MAGI1: variants seen among roughly 807,000 people sequenced by gnomAD.
The protein encoded by MAGI1 is membrane associated guanylate kinase, WW and PDZ domain containing 1, also known as membrane-associated guanylate kinase, WW and PDZ domain-containing protein 1.
In MAGI1, 58 loss-of-function variants were observed where a neutral mutation model predicts 139.9. The observed-to-expected ratio is 0.41, with a 90% confidence interval of 0.34 to 0.52. The LOEUF is 0.52. MAGI1 is among the 20% of genes least tolerant of loss of function. The probability of loss-of-function intolerance (pLI) is 0.12; values close to 1 mark genes in which losing one functional copy is unlikely to be tolerated. For synonymous variants in MAGI1, 812 were observed against 737.9 expected (o/e 1.10, Z -1.63); for missense variants, 1,874 against 1,901.6 (o/e 0.99, Z 0.27).
intron 1 of MAGI1, among the ~76,000 whole-genome samples, chr3:65,686,739 C>T (rs1214922448): frequency 6.6e-6 from 1 of 152,148 alleles, no homozygotes; most frequent in Non-Finnish European, 1.5e-5. Flanking sequence ...AAGTGAAACG[C>T]CAAGCATCTG....
intron 1 of MAGI1, among the ~76,000 whole-genome samples, chr3:65,956,160 A>C (rs2064116588): frequency 6.6e-6 from 1 of 152,192 alleles, no homozygotes; most frequent in South Asian, 2.1e-4. Context: ...TAGATAAACT[A>C]AAATAAATAT....
At chr3:65,775,604 A>G (rs747021512) in intron 1 of MAGI1, among the ~76,000 whole-genome samples, 7 of 150,938 alleles carry the variant, frequency 4.6e-5, no homozygotes, top group Non-Finnish European at 8.8e-5. Flanking sequence ...ACACCAAAGT[A>G]TTAACTATGA....
chr3:65,625,890 A>T (rs1463518711), intron 1 of MAGI1, among the ~76,000 whole-genome samples: 1 of 152,242 alleles, frequency 6.6e-6, no homozygotes, highest in African/African-American at 2.4e-5. Flanking sequence ...AAACTCATTA[A>T]TAAACATTTA....
At chr3:65,696,883 G>A (rs2089242098) in intron 1 of MAGI1, among the ~76,000 whole-genome samples, 1 of 147,716 alleles carries the variant, frequency 6.8e-6, no homozygotes, top group Admixed American at 6.7e-5. Context: ...GAGAAGAACT[G>A]AAGGAAATAG....
At chr3:65,811,959 T>TGTGAGAGAGA in intron 1 of MAGI1, among the ~76,000 whole-genome samples, 1 of 143,556 alleles carries the variant, frequency 7.0e-6, no homozygotes, top group South Asian at 2.3e-4. Flanking sequence ...TGTGTGTGTG[T>TGTGAGAGAGA]GAGAGAGAGA....
intron 1 of MAGI1, among the ~76,000 whole-genome samples, chr3:65,653,481 A>C (rs927064420): frequency 4.6e-5 from 7 of 152,206 alleles, no homozygotes; most frequent in African/African-American, 1.7e-4. Context: ...ACCATGACTT[A>C]ATATAAGGTG....
intron 1 of MAGI1, among the ~76,000 whole-genome samples, chr3:65,987,438 G>A (rs955415471): frequency 1.3e-5 from 2 of 152,188 alleles, no homozygotes; most frequent in East Asian, 1.9e-4. Context: ...AAGCTAAGAT[G>A]TAGGTAACTG....
chr3:65,866,041 G>A (rs964455007), intron 1 of MAGI1, among the ~76,000 whole-genome samples: 1 of 152,002 alleles, frequency 6.6e-6, no homozygotes. Flanking sequence ...ATTATGCACT[G>A]TTTTGATTCA....
intron 2 of MAGI1, among the ~76,000 whole-genome samples, chr3:65,604,750 T>C (rs947575885): frequency 6.6e-5 from 10 of 151,866 alleles, no homozygotes; most frequent in Admixed American, 5.3e-4. Context: ...AAAAAAACTA[T>C]TGACAAGTCT....
intron 2 of MAGI1, among the ~76,000 whole-genome samples, chr3:65,585,712 C>T (rs892317526): frequency 6.6e-6 from 1 of 152,156 alleles, no homozygotes; most frequent in African/African-American, 2.4e-5. Flanking sequence ...AAATACCTAT[C>T]TAATACATAT....
Position 65,535,911 on chromosome 3 carries a change from C to T in MAGI1, c.431-42280G>A, listed in dbSNP as rs182216207. Among the ~76,000 whole-genome samples, 312 of 152,188 alleles carry T rather than the reference C, an allele frequency of 2.1e-3. 1 individual carries two copies. The highest frequency in any genetic ancestry group is 6.8e-3 in the African/African-American group (284 of 41,506). On this transcript the variant is annotated intron_variant, in intron 2 of 22. Transcript: ENST00000402939. ...AGGAAGCTGGCTTGAGTTTAAGGAC[C>T]ATGTTGAATTTTTTAAAATATAGAG...
chr3:66,019,550 C>A (rs937488093), intron 1 of MAGI1, among the ~76,000 whole-genome samples: 1 of 152,166 alleles, frequency 6.6e-6, no homozygotes, highest in Non-Finnish European at 1.5e-5. Flanking sequence ...ATTACTTCAC[C>A]TCTCTAAGAC....
At chr3:65,399,613 C>A (rs965071354) in intron 13 of MAGI1, among the ~76,000 whole-genome samples, 12 of 152,178 alleles carry the variant, frequency 7.9e-5, no homozygotes, top group Non-Finnish European at 4.4e-5. Context: ...TAAGAACCAG[C>A]AGACTATGGG....
intron 1 of MAGI1, chr3:65,844,203 A>C (rs1217010056): frequency 2.0e-6 from 1 of 503,938 alleles, no homozygotes; most frequent in South Asian, 1.5e-5. Flanking sequence ...GCTGAACTTA[A>C]GAGTTTGGAT....
chr3:65,805,753 A>G (rs1390071058), intron 1 of MAGI1, among the ~76,000 whole-genome samples: 2 of 152,236 alleles, frequency 1.3e-5, no homozygotes, highest in African/African-American at 4.8e-5. Context: ...AATACTATGC[A>G]GCCATAAAAA....
At position 65,353,976 on chromosome 3, in the gene MAGI1, C is replaced by T. The variant is rs534912504; in HGVS notation, c.*2402G>A. ...TGGGTAGCACATAGATTTTAAATTG[C>T]CAAATATCATCTTACAACAAGAAGG... On this transcript the variant is annotated 3_prime_UTR_variant, in exon 23 of 23. Transcript: ENST00000402939. 1.3e-5 allele frequency: 2 copies of T among 152,278 alleles called. No individual in the cohort carries two copies. Among genetic ancestry groups the T allele is most frequent in the South Asian group, 2.1e-4 (1 of 4,828 alleles). 9.4% of individuals were successfully genotyped at this position (152,278 alleles called of 1,614,324 possible).
At chr3:65,792,019 GTATTT>G (rs2108072815) in intron 1 of MAGI1, among the ~76,000 whole-genome samples, 1 of 151,566 alleles carries the variant, frequency 6.6e-6, no homozygotes, top group Non-Finnish European at 1.5e-5. Flanking sequence ...CCAAGTCTAC[GTATTT>G]TTTTTCTATA....
chr3:65,520,585 G>A (rs1347231082), intron 2 of MAGI1, among the ~76,000 whole-genome samples: 4 of 152,158 alleles, frequency 2.6e-5, no homozygotes, highest in African/African-American at 7.2e-5. Flanking sequence ...CTCAAAAAAA[G>A]TGAGCTATTA....
chr3:65,943,240 C>G (rs975082958), intron 1 of MAGI1, among the ~76,000 whole-genome samples: 3 of 151,858 alleles, frequency 2.0e-5, no homozygotes, highest in Admixed American at 6.6e-5. Context: ...TGAAAATGTC[C>G]CTTTTTCTCT....
Sources: allele counts gnomAD v4.1 joint callset (sites outside exome capture counted in the v4.1 genomes callset), GRCh38; gene constraint gnomAD v4.1.1; transcripts MANE v1.5; gene names NCBI Gene and HGNC (gene_info 2026-07-23, HGNC 2026-07-21).